The following LARGE2 variants were observed in gnomAD, a reference collection of about 807,000 sequenced individuals.
The protein encoded by LARGE2 is xylosyl- and glucuronyltransferase LARGE2.
Under a neutral mutation model 75.3 loss-of-function variants are expected in LARGE2, and 63 were observed. The ratio of observed to expected loss-of-function variants is 0.84; its 90% confidence interval spans 0.68 to 1.03. The LOEUF (loss-of-function observed/expected upper bound fraction) is 1.03, where lower values mean the gene tolerates loss of function less well. Among genes scored for constraint, LARGE2 ranks in the 50% least tolerant of loss-of-function variants. The pLI is 0.00. For synonymous variants in LARGE2, 428 were observed against 420.1 expected, an observed-to-expected ratio of 1.02 and a Z score of -0.23; for missense variants, 925 against 980.6, an observed-to-expected ratio of 0.94 and a Z score of 0.76.
At position 45,923,460 on chromosome 11, in the gene LARGE2, C is replaced by T. The variant is rs777716221; in HGVS notation, c.286-13C>T. On this transcript the variant is annotated splice_polypyrimidine_tract_variant and intron_variant, in intron 2 of 13. Coordinates refer to ENST00000401752, the MANE Select transcript of LARGE2 (RefSeq NM_001300721.2). ...GAAGGGGGGCTGCTGCCGACCTGGG[C>T]GTCCCTCCCCAGCTCTTGCATGTGG... is the stretch of plus-strand genomic sequence containing the variant. 3 of 1,612,004 alleles carry T rather than the reference C, an allele frequency of 1.9e-6. No homozygotes were observed. The highest frequency in any genetic ancestry group is 1.1e-5 in the South Asian group (1 of 91,000).
At chr11:45,927,021 A>T in intron 10 of LARGE2, 150 bp downstream of exon 10, 1 of 939,464 alleles carries the variant, frequency 1.1e-6, no homozygotes, top group South Asian at 1.8e-5. Flanking sequence ...GATATGGTGG[A>T]AAGAGCTTGG....
rs2134785179 is a variant in LARGE2, at chr11:45,928,917, CTATT to C, written c.*75_*78del. On this transcript the variant is annotated 3_prime_UTR_variant, in exon 14 of 14. Transcript: ENST00000401752. ...GGCAACCTGCCCTCCGCCATCCCTG[CTATT>C]TAAATTATTTAAGGTCTCTGGGAAG... is the stretch of plus-strand genomic sequence containing the variant. 1 of 1,567,248 alleles carries C rather than the reference CTATT, an allele frequency of 6.4e-7. No homozygotes were observed. Among genetic ancestry groups the C allele is most frequent in the East Asian group, 2.4e-5 (1 of 42,102 alleles).
intron 2 of LARGE2, 114 bp downstream of exon 2, chr11:45,923,281 G>T (rs567027867): frequency 8.1e-7 from 1 of 1,233,146 alleles, no homozygotes; most frequent in Admixed American, 2.9e-5. Flanking sequence ...CTGGCCAGCC[G>T]GCTGGGGCGC....
chr11:45,928,470 A>T, intron 13 of LARGE2, 98 bp downstream of exon 13: 1 of 1,529,366 alleles, frequency 6.5e-7, no homozygotes, highest in Non-Finnish European at 8.9e-7. Flanking sequence ...ACTAGGCAAC[A>T]CTGTTAGAAA....
chr11:45,926,977 G>T lies in LARGE2; in HGVS notation c.1325+106G>T, dbSNP rs541240630. ...CTGATGCTGTGGTAGTGAGCTACCT[G>T]TCCCTCAGGGAGTTCCAGAAGTTGG... On this transcript the variant is annotated intron_variant, in intron 10 of 13. Coordinates refer to ENST00000401752, the MANE Select transcript of LARGE2 (RefSeq NM_001300721.2). 3.8e-5 allele frequency: 45 copies of T among 1,177,962 alleles called. No homozygotes were observed. The South Asian group carries it at 6.8e-4, about 18-fold the overall frequency. 73.0% of individuals were successfully genotyped at this position (1,177,962 alleles called of 1,614,324 possible). A position where few individuals can be genotyped will look rare whatever the true frequency, so the allele number is the denominator to read the frequency against.
At position 45,928,774 on chromosome 11, in the gene LARGE2, C is replaced by A; in HGVS notation, c.2095C>A (p.Arg699Ser). The A allele has an allele frequency of 6.2e-7, 1 of 1,613,998 alleles. No homozygotes were observed. The highest frequency in any genetic ancestry group is 8.5e-7 in the Non-Finnish European group (1 of 1,180,038). ...LKDEFHQDLS[R>S]HHGAAALKYL... The stretch of plus-strand genomic sequence containing the variant: ...GGACGAATTCCACCAGGACTTGTCC[C>A]GCCACCATGGGGCTGCTGCCCTCAA... Residue 699 changes from arginine to serine, a missense_variant, in exon 14 of 14, where the codon CGC becomes AGC. Physicochemically the swap from Arg to Ser is moderately radical, Grantham distance 110. Coordinates refer to ENST00000401752, the MANE Select transcript of LARGE2 (RefSeq NM_001300721.2).
intron 5 of LARGE2, 40 bp downstream of exon 5, chr11:45,924,717 C>T (rs1188640175): frequency 6.4e-7 from 1 of 1,569,232 alleles, no homozygotes; most frequent in East Asian, 2.4e-5. Flanking sequence ...CCCAGGATCC[C>T]TGCATCCAGC....
At chr11:45,924,317 C>T (rs760499449) in intron 4 of LARGE2, 40 bp downstream of exon 4, 70 of 1,607,048 alleles carry the variant, frequency 4.4e-5, no homozygotes, top group Admixed American at 3.5e-4. Flanking sequence ...CAGCTGTGTC[C>T]ACCGCTCTCC....
Position 45,926,133 on chromosome 11 carries a change from C to T in LARGE2, c.864C>T (p.Ala288=). 2 of 1,581,814 alleles carry T rather than the reference C, an allele frequency of 1.3e-6. No homozygotes were observed. The highest frequency in any genetic ancestry group is 1.7e-6 in the Non-Finnish European group (2 of 1,163,798). ...GGCGGGAGCTCCTTAGCCTGCCTGC[C>T]ACCTCACTGGCTGACCAGGTCTGAG... ...TARRELLSLP[A]TSLADQDIFN... Residue 288 remains alanine, a synonymous_variant, in exon 7 of 14, where the codon GCC becomes GCT. Transcript: ENST00000401752.
At chr11:45,924,755 A>G (rs2087077517) in intron 5 of LARGE2, 30 bp from the exon 6 acceptor site, 2 of 1,521,658 alleles carry the variant, frequency 1.3e-6, no homozygotes, top group African/African-American at 1.4e-5. Context: ...TGGCAGCTTC[A>G]GACAGCTCCC....
intron 11 of LARGE2, 59 bp from the exon 12 acceptor site, chr11:45,927,861 C>A: frequency 1.2e-6 from 2 of 1,607,072 alleles, no homozygotes; most frequent in Admixed American, 1.7e-5. Context: ...TGATGAGTGT[C>A]ACTGGCCCAG....
At chr11:45,925,988 C>T (rs998992780) in intron 6 of LARGE2, 51 bp from the exon 7 acceptor site, 1 of 1,492,028 alleles carries the variant, frequency 6.7e-7, no homozygotes. Flanking sequence ...CCCCATGTCC[C>T]CCAGGAGCTG....
chr11:45,927,486 C>G lies in LARGE2; in HGVS notation c.1497C>G (p.Tyr499Ter). 1 of 1,614,218 alleles carries G rather than the reference C, an allele frequency of 6.2e-7. No homozygotes were observed. The highest frequency in any genetic ancestry group is 2.2e-5 in the East Asian group (1 of 44,884). ...YHVVYREGPL[Y>*]PVNQLRNVAL... The stretch of plus-strand genomic sequence containing the variant: ...TGGTGTACCGTGAGGGGCCCCTATA[C>G]CCCGTCAACCAGCTTCGCAACGTGG... The change falls in exon 11 of 14, where the codon TAC becomes TAG. Residue 499 changes from tyrosine to a stop codon, truncating the protein, a stop_gained. Coordinates refer to ENST00000401752, the MANE Select transcript of LARGE2 (RefSeq NM_001300721.2). LOFTEE classifies it high-confidence loss of function.
At position 45,928,818 on chromosome 11, in the gene LARGE2, G is replaced by A; in HGVS notation, c.2139G>A (p.Gln713=). 1.9e-6 allele frequency: 3 copies of A among 1,613,386 alleles called. No homozygotes were observed. The highest frequency in any genetic ancestry group is 1.7e-6 in the Non-Finnish European group (2 of 1,179,952). Residue 713 remains glutamine, a synonymous_variant, in exon 14 of 14, where the codon CAG becomes CAA. Transcript: ENST00000401752. The part of the protein sequence containing the change: ...AAALKYLPAL[Q]QPQSPARG The stretch of plus-strand genomic sequence containing the variant: ...CCCTCAAATACCTCCCAGCCCTGCA[G>A]CAGCCCCAGAGCCCTGCCCGAGGCT...
Position 45,926,811 on chromosome 11 carries a change from A to G in LARGE2, c.1265A>G (p.His422Arg), listed in dbSNP as rs140734305. The G allele has an allele frequency of 5.9e-4, 946 of 1,613,490 alleles. 2 individuals are homozygous for G. The highest frequency in any genetic ancestry group is 7.0e-4 in the Non-Finnish European group (828 of 1,179,984). Residue 422 changes from histidine to arginine, a missense_variant, in exon 10 of 14, where the codon CAT becomes CGT. By Grantham distance (29) the His-to-Arg change is conservative. Transcript: ENST00000401752. ...CGTGTGCATGTCACTTTCCTGCCCC[A>G]TGAACCGCCACCCCCCCGGCCTCAC... ...VHRVHVTFLP[H>R]EPPPPRPHDV...
At chr11:45,922,771 G>C (rs1183770521) in intron 1 of LARGE2, 43 bp downstream of exon 1, 10 of 917,354 alleles carry the variant, frequency 1.1e-5, no homozygotes, top group African/African-American at 1.7e-5. Context: ...CCCGGCCGTC[G>C]GGCCCCGCCG....
At chr11:45,926,664 T>G (rs1258068019) in intron 9 of LARGE2, 47 bp from the exon 10 acceptor site, 1 of 1,611,948 alleles carries the variant, frequency 6.2e-7, no homozygotes, top group African/African-American at 1.3e-5. Flanking sequence ...CTGGGGGATG[T>G]GTTGTTCTGC....
In LARGE2 at chr11:45,922,712, G is replaced by C. The variant is rs1027108648; in HGVS notation, c.-79G>C. ...CGGCTGCGAGCGCAGGGCCCAGCCC[G>C]GGAGCCGCTGGAGCAGGTGAGGGAG... On this transcript the variant is annotated 5_prime_UTR_variant, in exon 1 of 14. Coordinates refer to ENST00000401752, the MANE Select transcript of LARGE2 (RefSeq NM_001300721.2). The C allele has an allele frequency of 6.6e-6, 3 of 454,124 alleles. No homozygotes were observed. The highest frequency in any genetic ancestry group is 1.2e-4 in the South Asian group (1 of 8,624). The allele number at this position is 454,124 out of a possible 1,614,324, so 28.1% of individuals were successfully genotyped here.
chr11:45,928,435 C>T (rs991981720), intron 13 of LARGE2, 63 bp downstream of exon 13: 46 of 1,571,526 alleles, frequency 2.9e-5, no homozygotes, highest in East Asian at 1.8e-4. Flanking sequence ...AGGGAACTCA[C>T]GACACCTGCA....
Sources: allele counts gnomAD v4.1 joint callset, GRCh38; gene constraint gnomAD v4.1.1; transcripts MANE v1.5; gene names NCBI Gene and HGNC (gene_info 2026-07-23, HGNC 2026-07-21).